SNTB2: variants seen among roughly 807,000 people sequenced by gnomAD.
SNTB2 encodes syntrophin beta 2.
A neutral mutation model predicts 46.2 loss-of-function variants in SNTB2; 34 were observed. The ratio of observed to expected loss-of-function variants is 0.74; its 90% CI spans 0.56 to 0.98. The LOEUF is 0.98. Among genes scored for constraint, SNTB2 ranks in the 50% least tolerant of loss-of-function variants. The pLI is 0.00. For synonymous variants in SNTB2, 290 were observed against 312.6 expected (o/e 0.93, Z 0.76); for missense variants, 603 against 731.4 (o/e 0.82, Z 2.02).
rs1965307733 is a variant in SNTB2 at position 69,305,171 on chromosome 16, G to C, written c.*4247G>C. ...GCATGTGGATATATTTGTTTTCAAA[G>C]CCATGGAAGAATCTCTGTTCATATA... On this transcript the variant is annotated 3_prime_UTR_variant, in exon 7 of 7. Coordinates refer to ENST00000336278, the MANE Select transcript of SNTB2 (RefSeq NM_006750.4). 6.6e-6 allele frequency: 1 copy of C among 152,530 alleles called. No individual in the cohort carries two copies. The highest frequency in any genetic ancestry group is 6.6e-5 in the Admixed American group (1 of 15,264). 9.4% of individuals were successfully genotyped at this position (152,530 alleles called of 1,614,324 possible). A position where few individuals can be genotyped will look rare whatever the true frequency, so the allele number is the denominator to read the frequency against.
intron 1 of SNTB2, chr16:69,235,738 CT>C (rs1964553336): frequency 7.8e-7 from 1 of 1,287,084 alleles, no homozygotes; most frequent in Non-Finnish European, 1.0e-6. Flanking sequence ...ATTTTTTTCT[CT>C]GCTTTCAGGC....
rs542894038 is a variant in SNTB2, at chr16:69,230,373, T to C, written c.581-15229T>C. Reference sequence around the variant, plus strand: ...ATAGTATATGAGTCTTTTTTTTTTTTCTTTTTGAGACGGAGTTTCGCTGTG... The same window carrying C: ...ATAGTATATGAGTCTTTTTTTTTTTCCTTTTTGAGACGGAGTTTCGCTGTG... On this transcript the variant is annotated intron_variant, in intron 1 of 6. Coordinates refer to ENST00000336278, the MANE Select transcript of SNTB2 (RefSeq NM_006750.4). 10 of 151,614 alleles carry C rather than the reference T, an allele frequency of 6.6e-5. 1 individual carries two copies. The East Asian group carries it at 1.9e-3, about 29-fold the overall frequency. The allele number at this position is 151,614 out of a possible 1,614,324, so 9.4% of individuals were successfully genotyped here.
chr16:69,187,207 C>G lies in SNTB2; in HGVS notation c.41C>G (p.Pro14Arg), dbSNP rs576544227. ...GCGACTGCGGCGGCTGGAGCGGGGC[C>G]GGCCATGGCGGTGTGGACGCGGGCC... ...AAATAAAGAG[P>R]AMAVWTRATK... The change falls in exon 1 of 7, where the codon CCG becomes CGG. Residue 14 changes from proline to arginine, a missense_variant. Pro to Arg is a moderately radical substitution (Grantham distance 103). Coordinates refer to ENST00000336278, the MANE Select transcript of SNTB2 (RefSeq NM_006750.4). The G allele has an allele frequency of 1.4e-5, 20 of 1,407,324 alleles. No individual in the cohort carries two copies. Among genetic ancestry groups the G allele is most frequent in the Non-Finnish European group, 1.8e-5 (19 of 1,079,540 alleles). 87.2% of individuals were successfully genotyped at this position (1,407,324 alleles called of 1,614,324 possible).
intron 3 of SNTB2, among the ~76,000 whole-genome samples, chr16:69,263,460 C>T (rs1964855710): frequency 6.7e-6 from 1 of 150,142 alleles, no homozygotes; most frequent in Admixed American, 6.7e-5. Context: ...CTCTTGTTGC[C>T]CAGGCTGGGG....
intron 1 of SNTB2, among the ~76,000 whole-genome samples, chr16:69,222,447 G>A (rs1473507687): frequency 2.6e-5 from 4 of 151,950 alleles, no homozygotes; most frequent in African/African-American, 9.7e-5. Flanking sequence ...ACAAAAATTG[G>A]TTGGGCGTGG....
chr16:69,220,546 G>A (rs559181813), intron 1 of SNTB2, among the ~76,000 whole-genome samples: 2 of 138,208 alleles, frequency 1.4e-5, no homozygotes, highest in South Asian at 4.6e-4. Flanking sequence ...TTTTTTTTTT[G>A]AGACAGGGTC....
Position 69,307,334 on chromosome 16 carries a change from G to C in SNTB2, c.*6410G>C, listed in dbSNP as rs1965323860. ...GCTTTGATCCATGCCAACATGAAAG[G>C]ACTCCAAGCACATTTAAGTAGGCTG... On this transcript the variant is annotated 3_prime_UTR_variant, in exon 7 of 7. Coordinates refer to ENST00000336278, the MANE Select transcript of SNTB2 (RefSeq NM_006750.4). The C allele has an allele frequency of 6.6e-6, 1 of 152,144 alleles. No homozygotes were observed. The highest frequency in any genetic ancestry group is 1.5e-5 in the Non-Finnish European group (1 of 68,034). 9.4% of individuals were successfully genotyped at this position (152,144 alleles called of 1,614,324 possible).
At position 69,284,214 on chromosome 16, in the gene SNTB2, G is replaced by A. The variant is rs780377648; in HGVS notation, c.1315G>A (p.Ala439Thr). The change falls in exon 5 of 7, where the codon GCT (alanine) becomes ACT (threonine). Residue 439 changes from alanine to threonine, a missense_variant. This residue lies in a region of SNTB2 where 537 missense variants were observed against 692.4 expected (regional missense o/e 0.78). Transcript: ENST00000336278. ...TRILVQGCHA[A>T]AELIKEVSLG... Reference sequence around the variant, plus strand: ...GATACTTGTTCAGGGTTGCCATGCTGCTGCTGAGCTGATCAAGGAAGTCTC... The same window carrying A: ...GATACTTGTTCAGGGTTGCCATGCTACTGCTGAGCTGATCAAGGAAGTCTC... The A allele has an allele frequency of 1.9e-6, 3 of 1,612,978 alleles. No individual in the cohort carries two copies. The highest frequency in any genetic ancestry group is 4.5e-5 in the East Asian group (2 of 44,854).
intron 1 of SNTB2, among the ~76,000 whole-genome samples, chr16:69,207,489 T>C (rs1964235174): frequency 6.6e-6 from 1 of 152,246 alleles, no homozygotes; most frequent in South Asian, 2.1e-4. Context: ...CAAAATTTGA[T>C]TTTATCTTAC....
chr16:69,302,144 A>C lies in SNTB2; in HGVS notation c.*1220A>C, dbSNP rs1965281255. Reference sequence around the variant, plus strand: ...TACTATTGGCTTCACAGCACACCCTACAGTGAGCAGGGTGATGAGACCGTG... The same window carrying C: ...TACTATTGGCTTCACAGCACACCCTCCAGTGAGCAGGGTGATGAGACCGTG... On this transcript the variant is annotated 3_prime_UTR_variant, in exon 7 of 7. Coordinates refer to ENST00000336278, the MANE Select transcript of SNTB2 (RefSeq NM_006750.4). 1 of 152,154 alleles carries C rather than the reference A, an allele frequency of 6.6e-6. No individual in the cohort carries two copies. Among genetic ancestry groups the C allele is most frequent in the South Asian group, 2.1e-4 (1 of 4,824 alleles). The allele number at this position is 152,154 out of a possible 1,614,324, so 9.4% of individuals were successfully genotyped here.
Position 69,187,592 on chromosome 16 carries a change from C to T in SNTB2, c.426C>T (p.Ile142=). ...GCGAGAACCGGATGCCGATCCTCAT[C>T]TCCAAGATCTTCCCCGGGCTGGCTG... ...GGRENRMPIL[I]SKIFPGLAAD... is the part of the protein sequence containing the mutation. Residue 142 remains isoleucine, a synonymous_variant, in exon 1 of 7, where the codon ATC becomes ATT. Coordinates refer to ENST00000336278, the MANE Select transcript of SNTB2 (RefSeq NM_006750.4). 2 of 1,548,850 alleles carry T rather than the reference C, an allele frequency of 1.3e-6. No individual in the cohort carries two copies. Among genetic ancestry groups the T allele is most frequent in the East Asian group, 2.6e-5 (1 of 38,260 alleles).
At chr16:69,286,020 TGACCTCAGGTGATCCACC>T (rs1965099182) in intron 5 of SNTB2, among the ~76,000 whole-genome samples, 3 of 152,322 alleles carry the variant, frequency 2.0e-5, no homozygotes, top group East Asian at 1.9e-4. Context: ...CTTGAACTTC[TGACCTCAGGTGATCCACC>T]GACCTCAGGT....
chr16:69,235,362 T>C (rs987866429), intron 1 of SNTB2, among the ~76,000 whole-genome samples: 1 of 152,176 alleles, frequency 6.6e-6, no homozygotes, highest in Non-Finnish European at 1.5e-5. Flanking sequence ...GCATAAATGT[T>C]AAGGGGTTAT....
At chr16:69,256,809 T>C (rs186861519) in intron 2 of SNTB2, among the ~76,000 whole-genome samples, 3 of 152,358 alleles carry the variant, frequency 2.0e-5, no homozygotes, top group Admixed American at 2.0e-4. Context: ...AAATTATTTT[T>C]TAAGTTAATT....
chr16:69,219,930 T>G (rs976075680), intron 1 of SNTB2, among the ~76,000 whole-genome samples: 1 of 151,908 alleles, frequency 6.6e-6, no homozygotes, highest in Non-Finnish European at 1.5e-5. Context: ...TTTGTATTTT[T>G]GGTAGAAACG....
At chr16:69,233,691 G>C (rs1964529658) in intron 1 of SNTB2, among the ~76,000 whole-genome samples, 1 of 152,060 alleles carries the variant, frequency 6.6e-6, no homozygotes. Flanking sequence ...AAGTTCCCTT[G>C]CCAAGTGTGG....
chr16:69,270,260 C>T lies in SNTB2; in HGVS notation c.1123C>T (p.His375Tyr), dbSNP rs1399042867. 1.9e-6 allele frequency: 3 copies of T among 1,613,954 alleles called. No homozygotes were observed. In the Admixed American group the frequency reaches 5.0e-5, roughly 27 times the overall value. Residue 375 changes from histidine to tyrosine, a missense_variant, in exon 4 of 7, where the codon CAC becomes TAC. His to Tyr is a moderately conservative substitution (Grantham distance 83). Coordinates refer to ENST00000336278, the MANE Select transcript of SNTB2 (RefSeq NM_006750.4). ...AAGAGATGCCTGGGCGTCACCATGC[C>T]ACAGCTACCCACTTGTTGCCACCAG... ...WTRDAWASPC[H>Y]SYPLVATRLV...
chr16:69,249,744 C>T lies in SNTB2; in HGVS notation c.794+3929C>T, dbSNP rs913387200. ...ATAAGGAAAGGTCTTAGAAGATCCA[C>T]GCTAGTTTTGAGATTCTCAGTCTTA... On this transcript the variant is annotated intron_variant, in intron 2 of 6. Transcript: ENST00000336278. Among the ~76,000 whole-genome samples the T allele has an allele frequency of 4.6e-5, 7 of 152,104 alleles. No homozygotes were observed. The South Asian group carries it at 6.2e-4, about 14-fold the overall frequency.
At chr16:69,282,615 T>A (rs751874549) in intron 4 of SNTB2, among the ~76,000 whole-genome samples, 9 of 144,682 alleles carry the variant, frequency 6.2e-5, no homozygotes, top group Non-Finnish European at 1.4e-4. Context: ...AATCAGTTTA[T>A]CAGTATCTAC....
Sources: allele counts gnomAD v4.1 joint callset (sites outside exome capture counted in the v4.1 genomes callset), GRCh38; gene constraint gnomAD v4.1.1; regional missense constraint gnomAD v4.1.1; transcripts MANE v1.5; gene names NCBI Gene and HGNC (gene_info 2026-07-23, HGNC 2026-07-21).